The following ZNF33A variants were observed in gnomAD, a reference collection of about 807,000 sequenced individuals.
The protein encoded by ZNF33A is brain my041 protein.
Under a neutral mutation model 15.9 loss-of-function variants are expected in ZNF33A, and 9 were observed. That is an observed-to-expected ratio of 0.57 (90% CI 0.34 to 0.99). The LOEUF (loss-of-function observed/expected upper bound fraction) is 0.99. ZNF33A is among the 50% of genes least tolerant of loss of function. ZNF33A has a pLI of 0.02. For synonymous variants in ZNF33A, 294 were observed against 324.2 expected, an observed-to-expected ratio of 0.91 and a Z score of 1.00; for missense variants, 843 against 941.6, an observed-to-expected ratio of 0.90 and a Z score of 1.37.
chr10:38,054,945 A>T lies in ZNF33A; in HGVS notation c.821A>T (p.His274Leu). The T allele has an allele frequency of 6.2e-7, 1 of 1,614,050 alleles. No individual in the cohort carries two copies. Among genetic ancestry groups the T allele is most frequent in the Non-Finnish European group, 8.5e-7 (1 of 1,179,974 alleles). The part of the protein sequence containing the change: ...FHQISPSRDN[H>L]YEFSDCEKFL... Reference sequence around the variant, plus strand: ...CAGATATCTCCGTCAAGGGACAATCACTATGAATTTAGTGATTGTGAGAAG... The same window carrying T: ...CAGATATCTCCGTCAAGGGACAATCTCTATGAATTTAGTGATTGTGAGAAG... The change falls in exon 5 of 5, where the codon CAC becomes CTC. Residue 274 changes from histidine (H) to leucine (L), a missense_variant. Physicochemically the swap from His to Leu is moderately conservative, Grantham distance 99. Coordinates refer to ENST00000432900, the MANE Select transcript of ZNF33A (RefSeq NM_006954.2).
intron 4 of ZNF33A, among the ~76,000 whole-genome samples, chr10:38,052,379 TA>T (rs922483262): frequency 3.0e-4 from 46 of 152,240 alleles, no homozygotes; most frequent in African/African-American, 9.1e-4. Context: ...GTATCAAAAA[TA>T]TTTTTTTTGC....
At chr10:38,020,338 T>C (rs1032517084) in intron 4 of ZNF33A, among the ~76,000 whole-genome samples, 3 of 152,224 alleles carry the variant, frequency 2.0e-5, no homozygotes, top group African/African-American at 7.2e-5. Flanking sequence ...TGATTATTTA[T>C]CTTTTGTGTT....
At chr10:38,020,398 A>G (rs1398251487) in intron 4 of ZNF33A, among the ~76,000 whole-genome samples, 2 of 152,124 alleles carry the variant, frequency 1.3e-5, no homozygotes, top group African/African-American at 4.8e-5. Flanking sequence ...GTACAATTAA[A>G]TTTGACTATA....
chr10:38,037,281 C>T lies in ZNF33A; in HGVS notation c.251-17094C>T, dbSNP rs114022515. ...GGAATAATTTTGATTGTTTTGCATA[C>T]AAATATTCAGTTGTCTCAGCATCAT... On this transcript the variant is annotated intron_variant, in intron 4 of 4. Coordinates refer to ENST00000432900, the MANE Select transcript of ZNF33A (RefSeq NM_006954.2). Among the ~76,000 whole-genome samples the T allele has an allele frequency of 4.0e-3, 601 of 151,824 alleles. 7 individuals are homozygous for T. Among genetic ancestry groups the T allele is most frequent in the African/African-American group, 0.014 (572 of 41,430 alleles).
In ZNF33A at chr10:38,055,341, C is replaced by T; in HGVS notation, c.1217C>T (p.Thr406Ile). The stretch of plus-strand genomic sequence containing the variant: ...TCAGCCCTCACATTACACCAGAGAA[C>T]ACATACAGGGGAGAAACCCTATCAA... ...HKSALTLHQR[T>I]HTGEKPYQCN... The change falls in exon 5 of 5, where the codon ACA becomes ATA. Residue 406 changes from threonine to isoleucine, a missense_variant. Coordinates refer to ENST00000432900, the MANE Select transcript of ZNF33A (RefSeq NM_006954.2). 1 of 1,613,976 alleles carries T rather than the reference C, an allele frequency of 6.2e-7. No homozygotes were observed. The highest frequency in any genetic ancestry group is 8.5e-7 in the Non-Finnish European group (1 of 1,179,966).
At chr10:38,035,510 A>AT (rs2065408713) in intron 4 of ZNF33A, among the ~76,000 whole-genome samples, 1 of 152,120 alleles carries the variant, frequency 6.6e-6, no homozygotes, top group South Asian at 2.1e-4. Context: ...TAATTTTATA[A>AT]TTTTATCAAC....
intron 4 of ZNF33A, among the ~76,000 whole-genome samples, chr10:38,044,363 C>G (rs1054093533): frequency 2.6e-5 from 3 of 115,530 alleles, no homozygotes; most frequent in Non-Finnish European, 5.3e-5. Context: ...GCGTGTGCTA[C>G]CACACTCAGC....
In ZNF33A at chr10:38,056,764, C is replaced by T. The variant is rs2066503135; in HGVS notation, c.*204C>T. On this transcript the variant is annotated 3_prime_UTR_variant, in exon 5 of 5. Transcript: ENST00000432900. ...GCAAATAAGGTTATGTTAGAATTTACACTGAGGAGAAAATTGTCAATTTAA... is the reference window on the plus strand; with the variant it reads ...GCAAATAAGGTTATGTTAGAATTTATACTGAGGAGAAAATTGTCAATTTAA... 18 of 1,228,590 alleles carry T rather than the reference C, an allele frequency of 1.5e-5. No individual in the cohort carries two copies. The highest frequency in any genetic ancestry group is 6.3e-4 in the Middle Eastern group (2 of 3,152). 76.1% of individuals were successfully genotyped at this position (1,228,590 alleles called of 1,614,324 possible).
Position 38,056,102 on chromosome 10 carries a change from A to G in ZNF33A, c.1978A>G (p.Thr660Ala), listed in dbSNP as rs779986986. Residue 660 changes from threonine (T) to alanine (A), a missense_variant, in exon 5 of 5, where the codon ACA becomes GCA. By Grantham distance (58) the Thr-to-Ala change is moderately conservative (BLOSUM62 0). Transcript: ENST00000432900. ...TCTAATTGTACATCAGAGAACCCAT[A>G]CACAAGAAAAGCCCTATAAATGTAA... ...SALIVHQRTH[T>A]QEKPYKCNEC... is the part of the protein sequence containing the mutation. The G allele has an allele frequency of 2.5e-6, 4 of 1,614,106 alleles. No individual in the cohort carries two copies. In the South Asian group the frequency reaches 3.3e-5, roughly 13 times the overall value.
chr10:38,021,608 T>G (rs2064749192), intron 4 of ZNF33A, among the ~76,000 whole-genome samples: 2 of 151,958 alleles, frequency 1.3e-5, no homozygotes, highest in South Asian at 4.2e-4. Context: ...TTACAAAGCT[T>G]GGGTTACAGA....
At chr10:38,033,392 ATT>A (rs1275111189) in intron 4 of ZNF33A, among the ~76,000 whole-genome samples, 1 of 152,182 alleles carries the variant, frequency 6.6e-6, no homozygotes, top group Non-Finnish European at 1.5e-5. Flanking sequence ...CTTCTTGACT[ATT>A]ATGAATAATT....
chr10:38,067,427 T>C (rs538501664), downstream of ZNF33A, among the ~76,000 whole-genome samples: 2 of 152,320 alleles, frequency 1.3e-5, no homozygotes, highest in South Asian at 4.1e-4. Context: ...GCTTAAACAA[T>C]GCTTGAAGGG....
chr10:38,022,832 C>T (rs1336056286), intron 4 of ZNF33A, among the ~76,000 whole-genome samples: 5 of 152,074 alleles, frequency 3.3e-5, no homozygotes, highest in Admixed American at 1.3e-4. Context: ...CTCCAAAAAA[C>T]CAATTTCCAA....
rs555229269 is a variant in ZNF33A, at chr10:38,058,074, G to A, written c.*1514G>A. ...AGTCTAGTGATCCTAGATTACACAA[G>A]TAATCTAAGCTTCCACTTTAGGAAA... On this transcript the variant is annotated 3_prime_UTR_variant, in exon 5 of 5. Coordinates refer to ENST00000432900, the MANE Select transcript of ZNF33A (RefSeq NM_006954.2). 3.1e-6 allele frequency: 3 copies of A among 981,640 alleles called. No homozygotes were observed. Among genetic ancestry groups the A allele is most frequent in the African/African-American group, 1.7e-5 (1 of 57,206 alleles). 60.8% of individuals were successfully genotyped at this position (981,640 alleles called of 1,614,324 possible).
At chr10:38,039,918 T>C (rs533551659) in intron 4 of ZNF33A, among the ~76,000 whole-genome samples, 1 of 151,710 alleles carries the variant, frequency 6.6e-6, no homozygotes, top group East Asian at 2.0e-4. Flanking sequence ...CTTGATTTGG[T>C]TTTGTATTGC....
At chr10:38,042,523 GTTAT>G (rs1359592428) in intron 4 of ZNF33A, among the ~76,000 whole-genome samples, 1 of 89,232 alleles carries the variant, frequency 1.1e-5, no homozygotes, top group Non-Finnish European at 2.4e-5. Flanking sequence ...TTTTTGCTTT[GTTAT>G]TTGTTTCCTT....
intron 4 of ZNF33A, among the ~76,000 whole-genome samples, chr10:38,051,962 T>G (rs2066229159): frequency 6.6e-6 from 1 of 152,238 alleles, no homozygotes; most frequent in East Asian, 1.9e-4. Flanking sequence ...AAATGAAGAA[T>G]AGAAGATAAC....
intron 4 of ZNF33A, among the ~76,000 whole-genome samples, chr10:38,026,273 A>AGT (rs60148716): frequency 1 from 151,704 of 152,288 alleles, 75,565 homozygotes; most frequent in Middle Eastern, 1. Context: ...CTTTTATCAA[A>AGT]GTATTTCTTT....
chr10:38,064,456 C>T (rs2066690223), downstream of ZNF33A: 1 of 303,216 alleles, frequency 3.3e-6, no homozygotes, highest in African/African-American at 2.1e-5. Context: ...GGTGTCTTCT[C>T]TGGTTTTGAA....
Sources: gnomAD v4.1 joint callset for allele counts (sites outside exome capture counted in the v4.1 genomes callset) on GRCh38, gnomAD v4.1.1 for gene constraint, MANE v1.5 for transcripts, NCBI Gene and HGNC (gene_info 2026-07-23, HGNC 2026-07-21) for gene names.